AK9: variants seen among roughly 807,000 people sequenced by gnomAD.
The protein encoded by AK9 is adenylate kinase 9.
Under a neutral mutation model 239.6 loss-of-function variants are expected in AK9, and 191 were observed. The ratio of observed to expected loss-of-function variants is 0.80; its 90% CI spans 0.71 to 0.90. AK9 has a LOEUF of 0.90. AK9 is among the 40% of genes least tolerant of loss of function. The probability of loss-of-function intolerance (pLI) is 0.00; values close to 1 mark genes in which losing one functional copy is unlikely to be tolerated. For missense variants in AK9, 1,995 were observed against 2,214.7 expected (o/e 0.90, Z 1.99); for synonymous variants, 689 against 721.0 (o/e 0.96, Z 0.71).
intron 9 of AK9, 58 bp from the exon 10 acceptor site, chr6:109,641,674 G>GA: frequency 2.8e-6 from 4 of 1,454,186 alleles, no homozygotes; most frequent in Non-Finnish European, 3.8e-6. Flanking sequence ...CAAATACTCT[G>GA]AAACAGTGGT....
At chr6:109,530,785 T>G (rs1041533461) in intron 28 of AK9, among the ~76,000 whole-genome samples, 3 of 152,190 alleles carry the variant, frequency 2.0e-5, no homozygotes, top group African/African-American at 7.2e-5. Context: ...TTAACTCACG[T>G]AATATCACAC....
rs775711622 is a variant in AK9, at chr6:109,672,020, G to A, written c.235-5C>T. 6 of 1,613,508 alleles carry A rather than the reference G, an allele frequency of 3.7e-6. No individual in the cohort carries two copies. In the Admixed American group the frequency reaches 1.0e-4, roughly 27 times the overall value. On this transcript the variant is annotated splice_region_variant and splice_polypyrimidine_tract_variant and intron_variant, in intron 4 of 40. Coordinates refer to ENST00000424296, the MANE Select transcript of AK9 (RefSeq NM_001145128.3). ...GCTGATCAACATTGATTGCAACTAAGGACAAGCATAGATATTGTACATTAC... is the reference window on the plus strand; with the variant it reads ...GCTGATCAACATTGATTGCAACTAAAGACAAGCATAGATATTGTACATTAC...
rs765535021 is a variant in AK9 at position 109,644,729 on chromosome 6, T to C, written c.760-41A>G. On this transcript the variant is annotated intron_variant, in intron 8 of 40. Transcript: ENST00000424296. ...AAGAAACTTTATAATACAGGATCACTAGAAAAACTGAATACAAGATCAGAA... is the reference window on the plus strand; with the variant it reads ...AAGAAACTTTATAATACAGGATCACCAGAAAAACTGAATACAAGATCAGAA... 52 of 1,515,802 alleles carry C rather than the reference T, an allele frequency of 3.4e-5. No individual in the cohort carries two copies. The East Asian group carries it at 8.1e-4, about 24-fold the overall frequency. The allele number at this position is 1,515,802 out of a possible 1,614,324, so 93.9% of individuals were successfully genotyped here. A position where few individuals can be genotyped will look rare whatever the true frequency, so the allele number is the denominator to read the frequency against.
At chr6:109,506,845 C>A in intron 33 of AK9, 45 bp from the exon 34 acceptor site, 1 of 1,452,170 alleles carries the variant, frequency 6.9e-7, no homozygotes, top group Admixed American at 2.8e-5. Flanking sequence ...ATTTCTTTTT[C>A]TCTCGTACTT....
In AK9 at chr6:109,509,272, T is replaced by C; in HGVS notation, c.4388A>G (p.Asn1463Ser). 6.4e-7 allele frequency: 1 copy of C among 1,551,988 alleles called. No homozygotes were observed. The highest frequency in any genetic ancestry group is 1.2e-5 in the South Asian group (1 of 84,062). The stretch of plus-strand genomic sequence containing the variant: ...TGTCATTCCTTTATGAAGATGCCAA[T>C]TTAACATAAGTGCCAGCTCTGTTTC... ...HPETELALML[N>S]WHLHKGMTAP... The change falls in exon 33 of 41, where the codon AAT becomes AGT. Residue 1463 changes from asparagine to serine, a missense_variant. Asn to Ser is a conservative substitution (Grantham distance 46). This residue lies in a region of AK9 where 45 missense variants were observed against 80.5 expected (regional missense o/e 0.56). Coordinates refer to ENST00000424296, the MANE Select transcript of AK9 (RefSeq NM_001145128.3).
chr6:109,589,996 A>G (rs1419076401), intron 17 of AK9, among the ~76,000 whole-genome samples: 2 of 152,182 alleles, frequency 1.3e-5, no homozygotes, highest in Middle Eastern at 3.4e-3. Flanking sequence ...ATCTGCATCT[A>G]TGTTCATCAG....
chr6:109,528,152 G>C, intron 29 of AK9: 1 of 259,016 alleles, frequency 3.9e-6, no homozygotes, highest in Non-Finnish European at 7.6e-6. Context: ...GCAAAGCCTG[G>C]ACTCCTTCAC....
At chr6:109,648,814 T>C (rs1798481573) in intron 8 of AK9, among the ~76,000 whole-genome samples, 2 of 152,136 alleles carry the variant, frequency 1.3e-5, no homozygotes, top group African/African-American at 2.4e-5. Context: ...ACCAATATCC[T>C]TGATGAACAT....
rs888292464 is a variant in AK9, at chr6:109,605,796, C to A, written c.1842+4569G>T. 2.6e-5 allele frequency among the ~76,000 whole-genome samples: 4 copies of A among 152,168 alleles called. 1 individual carries two copies. In the South Asian group the frequency reaches 8.3e-4, roughly 32 times the overall value. On this transcript the variant is annotated intron_variant, in intron 17 of 40. Transcript: ENST00000424296. ...CTGAGGATGCAAGTTTTGGATGAAT[C>A]GGCCACACAGCTTTATTTTGGGAAT...
At position 109,542,059 on chromosome 6, in the gene AK9, T is replaced by C; in HGVS notation, c.3338A>G (p.Lys1113Arg). The change falls in exon 27 of 41, where the codon AAG (lysine) becomes AGG (arginine). Residue 1113 changes from lysine to arginine, a missense_variant. Physicochemically the swap from Lys to Arg is conservative, Grantham distance 26. Around this residue, in one of 5 missense-constraint regions of AK9, gnomAD observed 1,290 missense variants for 1,392.7 expected, o/e 0.93. Coordinates refer to ENST00000424296, the MANE Select transcript of AK9 (RefSeq NM_001145128.3). ...LEVILSEWWLKEPIRSTGFIL... is the reference protein window; with the variant it reads ...LEVILSEWWLREPIRSTGFIL... ...TAAATTAAGATACCGTATTGGTTCC[T>C]TAAGCCACCACTCAGAAAGAATTAC... 6.3e-7 allele frequency: 1 copy of C among 1,598,634 alleles called. No individual in the cohort carries two copies. Among genetic ancestry groups the C allele is most frequent in the Non-Finnish European group, 8.5e-7 (1 of 1,170,096 alleles).
At chr6:109,597,538 T>C (rs1791208002) in intron 17 of AK9, among the ~76,000 whole-genome samples, 5 of 152,066 alleles carry the variant, frequency 3.3e-5, no homozygotes, top group Middle Eastern at 6.8e-3. Flanking sequence ...CCAGGTGTGG[T>C]GGCGGGCGCC....
At chr6:109,685,535 C>T (rs1420485668) in intron 1 of AK9, among the ~76,000 whole-genome samples, 1 of 151,410 alleles carries the variant, frequency 6.6e-6, no homozygotes, top group Admixed American at 6.6e-5. Context: ...AAAATGAGAA[C>T]ACATGGACGT....
intron 29 of AK9, among the ~76,000 whole-genome samples, chr6:109,523,471 C>CCT (rs1449383622): frequency 6.6e-6 from 1 of 152,106 alleles, no homozygotes; most frequent in South Asian, 2.1e-4. Context: ...AAACAACACT[C>CCT]CTCTCTCTCT....
intron 10 of AK9, among the ~76,000 whole-genome samples, chr6:109,634,485 C>G (rs1042193949): frequency 3.3e-5 from 5 of 152,196 alleles, no homozygotes; most frequent in African/African-American, 2.4e-5. Context: ...ACTGCTCCCC[C>G]CAACCCTCAG....
intron 1 of AK9, among the ~76,000 whole-genome samples, chr6:109,683,097 T>C (rs10457203): frequency 0.35 from 52,624 of 152,064 alleles, 9,579 homozygotes; most frequent in South Asian, 0.44. Context: ...GTTCAACATA[T>C]GCAAATCAAT....
chr6:109,660,550 T>A (rs562338927), intron 6 of AK9, among the ~76,000 whole-genome samples: 1 of 152,308 alleles, frequency 6.6e-6, no homozygotes, highest in East Asian at 1.9e-4. Context: ...GAGGTAAGAC[T>A]TTTGTTAGGC....
chr6:109,678,875 G>C (rs1772174307), intron 1 of AK9, among the ~76,000 whole-genome samples: 1 of 152,168 alleles, frequency 6.6e-6, no homozygotes, highest in Non-Finnish European at 1.5e-5. Flanking sequence ...CCCTCCCCTA[G>C]CCAAGGGAAG....
rs1205206597 is a variant in AK9 at position 109,570,960 on chromosome 6, C to T, written c.2344+2482G>A. 2.0e-5 allele frequency among the ~76,000 whole-genome samples: 3 copies of T among 152,066 alleles called. No homozygotes were observed. The East Asian group carries it at 5.8e-4, about 29-fold the overall frequency. Reference sequence around the variant, plus strand: ...GAAAAGAACAGAAATGAGGGAATATCTTGACTTTTCCATGTGTAGAAGACA... The same window carrying T: ...GAAAAGAACAGAAATGAGGGAATATTTTGACTTTTCCATGTGTAGAAGACA... On this transcript the variant is annotated intron_variant, in intron 21 of 40. Transcript: ENST00000424296.
chr6:109,541,194 A>G (rs577932833), intron 27 of AK9, among the ~76,000 whole-genome samples: 1 of 152,334 alleles, frequency 6.6e-6, no homozygotes, highest in African/African-American at 2.4e-5. Context: ...CCTTGATTAT[A>G]AAAGCAGTAA....
Sources: gnomAD v4.1 joint callset for allele counts (sites outside exome capture counted in the v4.1 genomes callset) on GRCh38, gnomAD v4.1.1 for gene constraint, gnomAD v4.1.1 regional missense constraint, MANE v1.5 for transcripts, NCBI Gene and HGNC (gene_info 2026-07-23, HGNC 2026-07-21) for gene names.